RFC3: variants seen among roughly 807,000 people sequenced by gnomAD.
RFC3 encodes the protein A1 38 kDa subunit.
Under a neutral mutation model 45.1 loss-of-function variants are expected in RFC3, and 41 were observed. That is an observed-to-expected ratio of 0.91 (90% CI 0.71 to 1.18). The LOEUF is 1.18. RFC3 is among the 50% of genes most tolerant of loss of function. The pLI is 0.00. For missense variants in RFC3, 423 were observed against 428.1 expected, an observed-to-expected ratio of 0.99 and a Z score of 0.10; for synonymous variants, 149 against 144.0, an observed-to-expected ratio of 1.03 and a Z score of -0.25.
chr13:33,868,396 C>T (rs530647640), intron 8 of RFC3, among the ~76,000 whole-genome samples: 6 of 150,778 alleles, frequency 4.0e-5, no homozygotes, highest in Non-Finnish European at 8.9e-5. Flanking sequence ...GAAAACCCCA[C>T]TTCTCCACAC....
At chr13:33,921,446 G>A (rs76210711) in intron 8 of RFC3, among the ~76,000 whole-genome samples, 10,224 of 152,192 alleles carry the variant, frequency 0.067, 477 homozygotes, top group Middle Eastern at 0.13. Context: ...TGGACACAGA[G>A]GTCAAAAGAC....
intron 8 of RFC3, among the ~76,000 whole-genome samples, chr13:33,905,991 A>G (rs2082669852): frequency 6.6e-6 from 1 of 152,072 alleles, no homozygotes; most frequent in Non-Finnish European, 1.5e-5. Context: ...TTTTGTCTTC[A>G]CAAATTACTT....
chr13:33,844,541 T>A (rs2082223821), intron 8 of RFC3, among the ~76,000 whole-genome samples: 1 of 152,252 alleles, frequency 6.6e-6, no homozygotes. Context: ...CTTGTTTGTG[T>A]ATCTGTTGTA....
chr13:33,899,204 C>CAAAAAAAAAAAAAAAAAAAA (rs59221382), intron 8 of RFC3, among the ~76,000 whole-genome samples: 975 of 52,012 alleles, frequency 0.019, 11 homozygotes, highest in Middle Eastern at 0.062. Context: ...CACAATAAGA[C>CAAAAAAAAAAAAAAAAAAAA]AAAAAAAAAA....
At chr13:33,871,332 C>T (rs2082408210) in intron 8 of RFC3, among the ~76,000 whole-genome samples, 1 of 152,158 alleles carries the variant, frequency 6.6e-6, no homozygotes, top group Admixed American at 6.5e-5. Context: ...GCTGGTTGCT[C>T]CCAGAAGCTC....
chr13:33,856,688 T>C (rs1252580305), intron 8 of RFC3, among the ~76,000 whole-genome samples: 1 of 152,186 alleles, frequency 6.6e-6, no homozygotes, highest in Non-Finnish European at 1.5e-5. Flanking sequence ...ACTGGGGTCC[T>C]GGTAGCTCTG....
At chr13:33,908,226 T>A (rs1046458994) in intron 8 of RFC3, among the ~76,000 whole-genome samples, 3 of 151,840 alleles carry the variant, frequency 2.0e-5, no homozygotes, top group African/African-American at 7.3e-5. Context: ...TTTAAAAGGA[T>A]AATGTCTTCT....
rs142837646 is a variant in RFC3 at position 33,916,793 on chromosome 13, C to T, written c.880-49294C>T. Among the ~76,000 whole-genome samples the T allele has an allele frequency of 5.0e-3, 740 of 148,398 alleles. 14 individuals are homozygous for T. The highest frequency in any genetic ancestry group is 0.019 in the South Asian group (93 of 4,814). ...GTACATACACATATATACATGTATG[C>T]GTATGTATATGTGTGTATATATGTG... On this transcript the variant is annotated intron_variant, in intron 8 of 8. Transcript: ENST00000434425.
the RFC3 span, among the ~76,000 whole-genome samples, chr13:33,971,845 C>G: frequency 6.6e-6 from 1 of 152,206 alleles, no homozygotes; most frequent in Non-Finnish European, 1.5e-5. Flanking sequence ...GGTGCAGTGG[C>G]TCACGCCTGT....
chr13:33,885,551 A>T (rs1447398563), intron 8 of RFC3, among the ~76,000 whole-genome samples: 1 of 151,908 alleles, frequency 6.6e-6, no homozygotes, highest in African/African-American at 2.4e-5. Flanking sequence ...CTTAACTTTA[A>T]CTCCTTCTTG....
intron 8 of RFC3, among the ~76,000 whole-genome samples, chr13:33,924,212 A>G (rs2082787614): frequency 6.6e-6 from 1 of 152,116 alleles, no homozygotes; most frequent in African/African-American, 2.4e-5. Context: ...AGGTGGAAGC[A>G]TATTAGTTCA....
chr13:33,882,513 T>C (rs1223297934), intron 8 of RFC3, among the ~76,000 whole-genome samples: 3 of 152,176 alleles, frequency 2.0e-5, no homozygotes, highest in Non-Finnish European at 2.9e-5. Context: ...AGTGCCCTTA[T>C]AAGAAGAGAC....
At chr13:33,959,233 C>T (rs2083041186) in intron 8 of RFC3, among the ~76,000 whole-genome samples, 1 of 152,186 alleles carries the variant, frequency 6.6e-6, no homozygotes, top group Admixed American at 6.5e-5. Context: ...TTCTAAAACA[C>T]AACTATGATT....
chr13:33,859,218 G>A lies in RFC3; in HGVS notation c.879+24001G>A, dbSNP rs182334916. 2.9e-4 allele frequency among the ~76,000 whole-genome samples: 44 copies of A among 152,266 alleles called. No individual in the cohort carries two copies. The East Asian group carries it at 8.3e-3, about 29-fold the overall frequency. ...ATTATAAAACTCGGAAGCTGAGCATGAACTCTAAATCTGTGTATCGTCTTT... is the reference window on the plus strand; with the variant it reads ...ATTATAAAACTCGGAAGCTGAGCATAAACTCTAAATCTGTGTATCGTCTTT... On this transcript the variant is annotated intron_variant, in intron 8 of 8. Coordinates refer to the RFC3 transcript ENST00000434425.
At chr13:33,904,641 C>T (rs529436016) in intron 8 of RFC3, among the ~76,000 whole-genome samples, 7 of 152,044 alleles carry the variant, frequency 4.6e-5, no homozygotes, top group African/African-American at 7.2e-5. Context: ...GCTCTGAAAG[C>T]GTCAGGATAG....
At chr13:33,953,609 T>C (rs1051773374) in intron 8 of RFC3, among the ~76,000 whole-genome samples, 14 of 152,156 alleles carry the variant, frequency 9.2e-5, no homozygotes, top group African/African-American at 3.1e-4. Flanking sequence ...TTTATCCCTA[T>C]AAAGTTGTAG....
intron 2 of RFC3, among the ~76,000 whole-genome samples, chr13:33,821,644 G>A (rs2082004942): frequency 6.6e-6 from 1 of 152,186 alleles, no homozygotes; most frequent in African/African-American, 2.4e-5. Flanking sequence ...GTTAAACATG[G>A]TATCAAGTGA....
At chr13:33,926,751 G>C (rs907436159) in intron 8 of RFC3, among the ~76,000 whole-genome samples, 6 of 151,030 alleles carry the variant, frequency 4.0e-5, no homozygotes, top group Non-Finnish European at 5.9e-5. Context: ...GGTCAAATGA[G>C]ATCTGCAACT....
At chr13:33,937,095 A>G (rs1159543862) in intron 8 of RFC3, among the ~76,000 whole-genome samples, 1 of 152,174 alleles carries the variant, frequency 6.6e-6, no homozygotes, top group African/African-American at 2.4e-5. Flanking sequence ...AAATACAGTC[A>G]TGTACCATGT....
Sources: allele counts gnomAD v4.1 joint callset (sites outside exome capture counted in the v4.1 genomes callset), GRCh38; gene constraint gnomAD v4.1.1; transcripts MANE v1.5; gene names NCBI Gene and HGNC (gene_info 2026-07-23, HGNC 2026-07-21).